Variants in SLC9B2 observed in about 807,000 individuals in gnomAD.
SLC9B2 encodes the protein sodium/hydrogen exchanger 9B2.
Under a neutral mutation model 52.2 loss-of-function variants are expected in SLC9B2, and 39 were observed. That is an observed-to-expected ratio of 0.75 (90% confidence interval 0.58 to 0.98). SLC9B2 has a LOEUF of 0.98. Among genes scored for constraint, SLC9B2 ranks in the 50% least tolerant of loss-of-function variants. The pLI is 0.00. For missense variants in SLC9B2, 626 were observed against 637.5 expected (o/e 0.98, Z 0.19); for synonymous variants, 214 against 227.0 (o/e 0.94, Z 0.51).
Position 103,066,511 on chromosome 4 carries a change from T to C in SLC9B2, c.91-4A>G. On this transcript the variant is annotated splice_region_variant and splice_polypyrimidine_tract_variant and intron_variant, in intron 2 of 11. Coordinates refer to ENST00000394785, the MANE Select transcript of SLC9B2 (RefSeq NM_178833.7). ...TGAGCTTCATAACTGTCTCCTCCTG[T>C]GTTTAAAGTAATTTTAAAAATCCTT... The C allele has an allele frequency of 6.2e-7, 1 of 1,604,836 alleles. No individual in the cohort carries two copies. The highest frequency in any genetic ancestry group is 1.1e-5 in the South Asian group (1 of 89,692).
rs1195843212 is a variant in SLC9B2 at position 103,023,420 on chromosome 4, C to T, written c.*2950G>A. 6.6e-6 allele frequency among the ~76,000 whole-genome samples: 1 copy of T among 152,150 alleles called. No homozygotes were observed. Among genetic ancestry groups the T allele is most frequent in the East Asian group, 1.9e-4 (1 of 5,200 alleles). The stretch of plus-strand genomic sequence containing the variant: ...TTAAGAGGGGATAGGTTGAGTTGGT[C>T]AGTACTCTATCAGGTTAACCCTAAG... On this transcript the variant is annotated 3_prime_UTR_variant, in exon 12 of 12. Coordinates refer to ENST00000394785, the MANE Select transcript of SLC9B2 (RefSeq NM_178833.7).
intron 1 of SLC9B2, among the ~76,000 whole-genome samples, chr4:103,073,665 G>A (rs1007212817): frequency 6.6e-6 from 1 of 152,152 alleles, no homozygotes; most frequent in Non-Finnish European, 1.5e-5. Flanking sequence ...ACTCATGAAG[G>A]AAAACACTAT....
At chr4:103,019,841 G>T, downstream of SLC9B2, 2 of 985,754 alleles carry the variant, frequency 2.0e-6, no homozygotes, top group Non-Finnish European at 2.4e-6. Flanking sequence ...TCTGTCTATT[G>T]AACCCTTTCC....
Position 103,057,964 on chromosome 4 carries a change from G to T in SLC9B2, c.279C>A (p.Ile93=). The T allele has an allele frequency of 6.2e-7, 1 of 1,606,026 alleles. No homozygotes were observed. Among genetic ancestry groups the T allele is most frequent in the South Asian group, 1.1e-5 (1 of 88,904 alleles). ...AAACTACAGCCCACAGAAGAACAAT[G>T]ATGGTAACTGAAATAAACCAGGAAT... ...LLDRVITNVT[I]IVLLWAVVWS... The change falls in exon 4 of 12, where the codon ATC becomes ATA. Residue 93 remains isoleucine, a synonymous_variant. Coordinates refer to ENST00000394785, the MANE Select transcript of SLC9B2 (RefSeq NM_178833.7).
chr4:103,066,277 C>T (rs961821559), intron 3 of SLC9B2, 50 bp downstream of exon 3: 2 of 1,565,394 alleles, frequency 1.3e-6, no homozygotes, highest in Non-Finnish European at 1.7e-6. Flanking sequence ...TAGTAATCTG[C>T]CATTATAACA....
Position 103,046,619 on chromosome 4 carries a change from T to G in SLC9B2, c.889+432A>C, listed in dbSNP as rs1426743502. ...TGTTCCTTTCACTTGGACTGCTCTC[T>G]GTCATTTGTGCTCCTTGAAAAACCC... On this transcript the variant is annotated intron_variant, in intron 7 of 11. Coordinates refer to ENST00000394785, the MANE Select transcript of SLC9B2 (RefSeq NM_178833.7). Among the ~76,000 whole-genome samples the G allele has an allele frequency of 2.0e-5, 3 of 150,974 alleles. No homozygotes were observed. In the East Asian group the frequency reaches 5.9e-4, roughly 30 times the overall value.
At chr4:103,061,954 G>A (rs1745682418) in intron 3 of SLC9B2, among the ~76,000 whole-genome samples, 1 of 152,158 alleles carries the variant, frequency 6.6e-6, no homozygotes, top group Admixed American at 6.5e-5. Context: ...TACTACTGCA[G>A]TGGAATACCT....
At chr4:103,036,661 T>C (rs1464590330) in intron 9 of SLC9B2, among the ~76,000 whole-genome samples, 1 of 151,966 alleles carries the variant, frequency 6.6e-6, no homozygotes, top group Non-Finnish European at 1.5e-5. Flanking sequence ...CTTTTTTTTT[T>C]TTCAAGGGGG....
chr4:103,036,735 A>G (rs2110588524), intron 9 of SLC9B2, among the ~76,000 whole-genome samples: 1 of 152,182 alleles, frequency 6.6e-6, no homozygotes, highest in Non-Finnish European at 1.5e-5. Flanking sequence ...CTTTGTAAGG[A>G]AACTCACCAT....
At position 103,026,155 on chromosome 4, in the gene SLC9B2, G is replaced by T; in HGVS notation, c.*215C>A. 2 of 470,936 alleles carry T rather than the reference G, an allele frequency of 4.2e-6. No individual in the cohort carries two copies. The highest frequency in any genetic ancestry group is 7.5e-6 in the Non-Finnish European group (2 of 265,130). 29.2% of individuals were successfully genotyped at this position (470,936 alleles called of 1,614,324 possible). ...TATGCAAATTAAGATGGATGATGAA[G>T]GGGTGTTTGAAAAAAAAGGCAGAGA... On this transcript the variant is annotated 3_prime_UTR_variant, in exon 12 of 12. Coordinates refer to ENST00000394785, the MANE Select transcript of SLC9B2 (RefSeq NM_178833.7).
rs369055958 is a variant in SLC9B2, at chr4:103,048,624, C to T, written c.713+269G>A. On this transcript the variant is annotated intron_variant, in intron 6 of 11. Coordinates refer to ENST00000394785, the MANE Select transcript of SLC9B2 (RefSeq NM_178833.7). ...CTTTGTGCAGACGTTAGGTGGAATC[C>T]GGTATCTCTTTAACAGGCATTGAAT... 1.4e-4 allele frequency: 39 copies of T among 286,896 alleles called. No individual in the cohort carries two copies. In the East Asian group the frequency reaches 1.4e-3, roughly 11 times the overall value. The allele number at this position is 286,896 out of a possible 1,614,324, so 17.8% of individuals were successfully genotyped here.
At chr4:103,071,542 C>T (rs774951246) in intron 1 of SLC9B2, among the ~76,000 whole-genome samples, 17 of 152,028 alleles carry the variant, frequency 1.1e-4, no homozygotes, top group Non-Finnish European at 2.1e-4. Context: ...CCATCCCTTG[C>T]TAATTTTTGT....
chr4:103,042,701 C>T (rs1319805207), intron 9 of SLC9B2, among the ~76,000 whole-genome samples: 1 of 151,410 alleles, frequency 6.6e-6, no homozygotes, highest in Non-Finnish European at 1.5e-5. Flanking sequence ...TTGGTACAGT[C>T]TTTTAAAAGG....
At position 103,044,941 on chromosome 4, in the gene SLC9B2, T is replaced by C. The variant is rs1743982613; in HGVS notation, c.945A>G (p.Ala315=). The C allele has an allele frequency of 2.5e-6, 4 of 1,613,798 alleles. No homozygotes were observed. The highest frequency in any genetic ancestry group is 3.4e-6 in the Non-Finnish European group (4 of 1,179,916). Residue 315 remains alanine (A), a synonymous_variant, in exon 8 of 12, where the codon GCA becomes GCG. Coordinates refer to ENST00000394785, the MANE Select transcript of SLC9B2 (RefSeq NM_178833.7). ...RGVLEVVIGV[A]TGSVLGFFIQ... ...TGAAAAATCCAAGAACAGATCCAGT[T>C]GCCACACCAATTACCACCTCCAAAA...
At chr4:103,058,224 G>T (rs1406872459) in intron 3 of SLC9B2, among the ~76,000 whole-genome samples, 1 of 152,056 alleles carries the variant, frequency 6.6e-6, no homozygotes, top group African/African-American at 2.4e-5. Context: ...CTGCCAGAAG[G>T]AACCATTATT....
rs199549137 is a variant in SLC9B2 at position 103,057,776 on chromosome 4, A to G, written c.442+25T>C. On this transcript the variant is annotated intron_variant, in intron 4 of 11. Transcript: ENST00000394785. ...CTTAAAAATATAGTTTACTCTGGAT[A>G]GAACAGGAAACATTTAGCACTTACC... The G allele has an allele frequency of 3.8e-5, 60 of 1,599,600 alleles. 1 individual carries two copies. Among genetic ancestry groups the G allele is most frequent in the Non-Finnish European group, 4.9e-5 (57 of 1,174,284 alleles).
At chr4:103,018,789 C>A (rs1410051445), downstream of SLC9B2, among the ~76,000 whole-genome samples, 2 of 152,154 alleles carry the variant, frequency 1.3e-5, no homozygotes, top group African/African-American at 4.8e-5. Context: ...AAGCAGGGAT[C>A]CCCAACCCCT....
At chr4:103,060,461 A>C (rs924485646) in intron 3 of SLC9B2, among the ~76,000 whole-genome samples, 2 of 150,786 alleles carry the variant, frequency 1.3e-5, no homozygotes, top group South Asian at 2.1e-4. Context: ...TATATATATA[A>C]ATGTCTTATA....
intron 9 of SLC9B2, among the ~76,000 whole-genome samples, chr4:103,032,847 C>T (rs1244860354): frequency 2.0e-5 from 3 of 152,156 alleles, no homozygotes; most frequent in African/African-American, 4.8e-5. Flanking sequence ...AGCACCACAG[C>T]GACTTCTCTA....
Sources: allele counts gnomAD v4.1 joint callset (sites outside exome capture counted in the v4.1 genomes callset), GRCh38; gene constraint gnomAD v4.1.1; transcripts MANE v1.5; gene names NCBI Gene and HGNC (gene_info 2026-07-23, HGNC 2026-07-21).